Variants in CNTN4 observed in about 807,000 individuals in gnomAD.
The protein encoded by CNTN4 is contactin-4.
In CNTN4, 77 loss-of-function variants were observed where a neutral mutation model predicts 122.5. That is an observed-to-expected ratio of 0.63 (90% CI 0.52 to 0.76). The LOEUF is 0.76. CNTN4 is among the 30% of genes least tolerant of loss of function. The probability of loss-of-function intolerance (pLI) is 0.00; values close to 1 mark genes in which losing one functional copy is unlikely to be tolerated. For synonymous variants in CNTN4, 512 were observed against 447.0 expected, an observed-to-expected ratio of 1.15 and a Z score of -1.83; for missense variants, 1,256 against 1,259.1, an observed-to-expected ratio of 1.00 and a Z score of 0.04.
intron 3 of CNTN4, among the ~76,000 whole-genome samples, chr3:2,541,524 A>T (rs1209011741): frequency 6.6e-6 from 1 of 152,138 alleles, no homozygotes; most frequent in Non-Finnish European, 1.5e-5. Context: ...TAAAGTGGGT[A>T]CAATAGAAGG....
At chr3:2,135,561 CAG>C (rs2034650089) in intron 2 of CNTN4, among the ~76,000 whole-genome samples, 1 of 151,502 alleles carries the variant, frequency 6.6e-6, no homozygotes, top group Non-Finnish European at 1.5e-5. Flanking sequence ...ATCAGAGAAA[CAG>C]TGAGAGTAAT....
chr3:2,803,786 C>T (rs537154658), intron 6 of CNTN4, among the ~76,000 whole-genome samples: 1 of 151,964 alleles, frequency 6.6e-6, no homozygotes, highest in African/African-American at 2.4e-5. Context: ...GTCTCGAACT[C>T]CTGACCTCAG....
intron 2 of CNTN4, among the ~76,000 whole-genome samples, chr3:2,235,730 G>A (rs1418017120): frequency 6.6e-6 from 1 of 152,032 alleles, no homozygotes; most frequent in Non-Finnish European, 1.5e-5. Flanking sequence ...AGAGCATCTA[G>A]TATTATGCTT....
intron 13 of CNTN4, among the ~76,000 whole-genome samples, chr3:2,944,812 T>C (rs2094657435): frequency 6.6e-6 from 1 of 152,200 alleles, no homozygotes; most frequent in South Asian, 2.1e-4. Flanking sequence ...GGGAGTGCTC[T>C]CTGAGGATAC....
chr3:2,853,488 C>T (rs1156247352), intron 7 of CNTN4, among the ~76,000 whole-genome samples: 1 of 152,110 alleles, frequency 6.6e-6, no homozygotes, highest in Non-Finnish European at 1.5e-5. Context: ...TGTGATCTGC[C>T]CACCTCAGCC....
chr3:2,160,961 A>C (rs2035941861), intron 2 of CNTN4, among the ~76,000 whole-genome samples: 2 of 152,074 alleles, frequency 1.3e-5, no homozygotes. Flanking sequence ...GGGAGAATAG[A>C]AGCTAAATAA....
At chr3:2,392,361 C>G (rs1233122257) in intron 3 of CNTN4, among the ~76,000 whole-genome samples, 1 of 152,176 alleles carries the variant, frequency 6.6e-6, no homozygotes, top group Non-Finnish European at 1.5e-5. Context: ...AATCTCTGTT[C>G]TCCACCTTCA....
chr3:2,767,399 T>A (rs1010038402), intron 6 of CNTN4, among the ~76,000 whole-genome samples: 1 of 152,242 alleles, frequency 6.6e-6, no homozygotes, highest in African/African-American at 2.4e-5. Flanking sequence ...CTTATTGAAC[T>A]GCTTTTTGTG....
chr3:2,567,090 T>C (rs1412379461), intron 3 of CNTN4, among the ~76,000 whole-genome samples: 1 of 109,630 alleles, frequency 9.1e-6, no homozygotes, highest in Non-Finnish European at 2.0e-5. Context: ...AATTTTTTTT[T>C]TTTTTCTTTT....
intron 2 of CNTN4, among the ~76,000 whole-genome samples, chr3:2,147,328 A>C (rs1291134371): frequency 1.3e-5 from 2 of 152,044 alleles, no homozygotes; most frequent in African/African-American, 4.8e-5. Context: ...GATTTTAACT[A>C]TGTGTGTTCT....
chr3:3,009,635 GTGTTAGCCAGGA>G (rs1697017568), intron 14 of CNTN4, among the ~76,000 whole-genome samples: 1 of 151,978 alleles, frequency 6.6e-6, no homozygotes, highest in Non-Finnish European at 1.5e-5. Context: ...GGGTTTCACC[GTGTTAGCCAGGA>G]TGGTCTCGAT....
intron 12 of CNTN4, among the ~76,000 whole-genome samples, chr3:2,903,988 A>G (rs2094203063): frequency 6.6e-6 from 1 of 152,218 alleles, no homozygotes; most frequent in Non-Finnish European, 1.5e-5. Flanking sequence ...AAGAATCGAA[A>G]ACATAGTTGA....
At position 2,302,202 on chromosome 3, in the gene CNTN4, G is replaced by A. The variant is rs13085313; in HGVS notation, c.-144-36976G>A. On this transcript the variant is annotated intron_variant, in intron 2 of 24. Coordinates refer to ENST00000418658, the MANE Select transcript of CNTN4 (RefSeq NM_175607.3). ...TCCCAGCACTAAGGGAGGCTGAGGC[G>A]GGTGGTTCATGAGGTCAGGAATTTG... Among the ~76,000 whole-genome samples the A allele has an allele frequency of 3.3e-3, 506 of 152,234 alleles. 4 individuals carry two copies. The highest frequency in any genetic ancestry group is 6.0e-3 in the Non-Finnish European group (407 of 68,014).
At chr3:2,238,357 A>G (rs1463216476) in intron 2 of CNTN4, among the ~76,000 whole-genome samples, 1 of 152,088 alleles carries the variant, frequency 6.6e-6, no homozygotes. Flanking sequence ...ATTTTCTATT[A>G]AACTATAAAA....
chr3:2,848,208 C>A (rs1296590337), intron 7 of CNTN4, among the ~76,000 whole-genome samples: 2 of 152,100 alleles, frequency 1.3e-5, no homozygotes, highest in Non-Finnish European at 2.9e-5. Flanking sequence ...CACTGCAGTC[C>A]AGCCTGGGCA....
intron 23 of CNTN4, among the ~76,000 whole-genome samples, chr3:3,046,161 C>A (rs1574923197): frequency 6.6e-6 from 1 of 152,170 alleles, no homozygotes; most frequent in Non-Finnish European, 1.5e-5. Context: ...ATTGGTGTAC[C>A]TGAAAGTGAC....
rs150590014 is a variant in CNTN4, at chr3:2,221,586, T to C, written c.-144-117592T>C. Among the ~76,000 whole-genome samples, 309 of 151,694 alleles carry C rather than the reference T, an allele frequency of 2.0e-3. 1 individual carries two copies. Among genetic ancestry groups the C allele is most frequent in the African/African-American group, 7.1e-3 (296 of 41,424 alleles). On this transcript the variant is annotated intron_variant, in intron 2 of 24. Coordinates refer to ENST00000418658, the MANE Select transcript of CNTN4 (RefSeq NM_175607.3). ...ATTAAAAAAAATTTCCTTCAAAGGCTGCCATTAAAGAAATAAAAGACATCC... is the reference window on the plus strand; with the variant it reads ...ATTAAAAAAAATTTCCTTCAAAGGCCGCCATTAAAGAAATAAAAGACATCC...
chr3:2,534,447 T>C (rs1369366957), intron 3 of CNTN4, among the ~76,000 whole-genome samples: 4 of 152,178 alleles, frequency 2.6e-5, no homozygotes, highest in Non-Finnish European at 5.9e-5. Flanking sequence ...TCCATTAGTC[T>C]ATATCTTTCT....
chr3:2,351,220 A>G (rs997063735), intron 3 of CNTN4, among the ~76,000 whole-genome samples: 4 of 152,292 alleles, frequency 2.6e-5, no homozygotes, highest in African/African-American at 9.6e-5. Flanking sequence ...AGACCATCTA[A>G]TAGTCAAACT....
Sources: allele counts gnomAD v4.1 joint callset (sites outside exome capture counted in the v4.1 genomes callset), GRCh38; gene constraint gnomAD v4.1.1; transcripts MANE v1.5; gene names NCBI Gene and HGNC (gene_info 2026-07-23, HGNC 2026-07-21).